The following NHERF2 variants were observed in gnomAD, a reference collection of about 807,000 sequenced individuals.
NHERF2 encodes NHERF family PDZ scaffold protein 2, also known as Na(+)/H(+) exchange regulatory cofactor NHE-RF2.
the NHERF2 span, chr16:2,029,710 C>T: frequency 1.5e-5 from 23 of 1,556,444 alleles, no homozygotes; most frequent in Admixed American, 5.8e-5. Flanking sequence ...GGCTCCCACC[C>T]GCCCACGACC....
the NHERF2 span, among the ~76,000 whole-genome samples, chr16:2,032,022 C>CT: frequency 1.8e-3 from 257 of 141,840 alleles, no homozygotes; most frequent in Middle Eastern, 0.011. The surrounding 1 kb of genome is among the most constrained non-coding windows in gnomAD (Gnocchi z 4.0). Context: ...TTCTTTCTTT[C>CT]TTTTTTTTTT....
the NHERF2 span, among the ~76,000 whole-genome samples, chr16:2,029,368 C>T: frequency 6.6e-6 from 1 of 150,972 alleles, no homozygotes; most frequent in South Asian, 2.1e-4. Flanking sequence ...GCCCTCACAG[C>T]CTGGGCCTCA....
the NHERF2 span, chr16:2,036,228 C>T: frequency 9.6e-4 from 1,240 of 1,292,320 alleles, 11 homozygotes; most frequent in African/African-American, 0.016. Flanking sequence ...GTGGGGGGCA[C>T]GGTACCGAGT....
At chr16:2,038,061 C>G in the NHERF2 span, 1 of 1,549,016 alleles carries the variant, frequency 6.5e-7, no homozygotes, top group Non-Finnish European at 8.8e-7. Context: ...CGAGCTCCCC[C>G]AGCCTCAGTG....
the NHERF2 span, chr16:2,037,089 G>A: frequency 4.1e-5 from 59 of 1,450,356 alleles, no homozygotes; most frequent in Middle Eastern, 2.4e-4. Context: ...ATCCGTCCTC[G>A]AGGTGTGCTA....
the NHERF2 span, among the ~76,000 whole-genome samples, chr16:2,034,789 C>T: frequency 6.8e-6 from 1 of 148,006 alleles, no homozygotes; most frequent in Non-Finnish European, 1.5e-5. Flanking sequence ...CTCCACTTCC[C>T]CTCCCGAACT....
the NHERF2 span, chr16:2,036,265 G>A: frequency 6.7e-7 from 1 of 1,503,106 alleles, no homozygotes; most frequent in Non-Finnish European, 9.0e-7. Flanking sequence ...CCACCGGGGA[G>A]TGGCCTCTGG....
At chr16:2,035,464 C>A in the NHERF2 span, 6 of 985,708 alleles carry the variant, frequency 6.1e-6, no homozygotes, top group East Asian at 1.1e-4. Context: ...GCCCTGGCAG[C>A]CCCCAGCCCG....
the NHERF2 span, chr16:2,037,396 G>A: frequency 2.1e-5 from 17 of 804,392 alleles, 1 homozygote; most frequent in Non-Finnish European, 3.3e-5. Context: ...CTGCCCCGCC[G>A]CATCTGGAGT....
the NHERF2 span, chr16:2,036,457 C>G: frequency 1.2e-6 from 2 of 1,603,058 alleles, no homozygotes; most frequent in South Asian, 2.2e-5. Context: ...GACCCGGGCT[C>G]ACCTGCCGCC....
chr16:2,026,996 A>G, the NHERF2 span: 1 of 1,108,146 alleles, frequency 9.0e-7, no homozygotes, highest in Non-Finnish European at 1.1e-6. Flanking sequence ...GCCGGTGGGC[A>G]GCGGGCGCCA....
the NHERF2 span, chr16:2,037,600 G>C: frequency 6.2e-7 from 1 of 1,612,454 alleles, no homozygotes; most frequent in Non-Finnish European, 8.5e-7. Context: ...AGGACACTGA[G>C]GTATGGATGT....
the NHERF2 span, chr16:2,038,836 C>G: frequency 1.9e-5 from 3 of 155,574 alleles, no homozygotes; most frequent in Admixed American, 6.5e-5. Context: ...TGTGTGAGAG[C>G]GGCACCCGGG....
the NHERF2 span, chr16:2,029,591 A>G: frequency 6.3e-7 from 1 of 1,574,970 alleles, no homozygotes; most frequent in Non-Finnish European, 8.6e-7. Flanking sequence ...GGTGGTGCAA[A>G]GGATCAAGGC....
chr16:2,029,948 C>G, the NHERF2 span, among the ~76,000 whole-genome samples: 1 of 152,236 alleles, frequency 6.6e-6, no homozygotes, highest in Non-Finnish European at 1.5e-5. Context: ...CTGGGGGCCA[C>G]TGTTTCTACC....
At chr16:2,034,083 C>A in the NHERF2 span, among the ~76,000 whole-genome samples, 1 of 152,188 alleles carries the variant, frequency 6.6e-6, no homozygotes, top group East Asian at 1.9e-4. Flanking sequence ...CCAGATCCTG[C>A]TTCCTGTCTG....
At chr16:2,038,128 C>T in the NHERF2 span, 1 of 1,022,280 alleles carries the variant, frequency 9.8e-7, no homozygotes, top group Non-Finnish European at 1.4e-6. Context: ...GGTGAGCCCC[C>T]ATCCTGCCCC....
the NHERF2 span, chr16:2,037,627 C>G: frequency 6.2e-7 from 1 of 1,608,798 alleles, no homozygotes; most frequent in South Asian, 1.1e-5. Flanking sequence ...CTCCTGAGCT[C>G]ACACGTGGGG....
At chr16:2,037,455 G>C in the NHERF2 span, 65 of 1,252,016 alleles carry the variant, frequency 5.2e-5, no homozygotes, top group Admixed American at 7.9e-5. Context: ...ACACACTGGG[G>C]GGGGGTGTGC....
Sources: allele counts gnomAD v4.1 joint callset (sites outside exome capture counted in the v4.1 genomes callset), GRCh38; gene constraint gnomAD v4.1.1; non-coding constraint Gnocchi (gnomAD v3.1); transcripts MANE v1.5; gene names NCBI Gene and HGNC (gene_info 2026-07-23, HGNC 2026-07-21).